The following GFRA1 variants were observed in gnomAD, a reference collection of about 807,000 sequenced individuals.
The protein encoded by GFRA1 is GDNF family receptor alpha 1.
A neutral mutation model predicts 51.6 loss-of-function variants in GFRA1; 16 were observed. The observed-to-expected ratio is 0.31, with a 90% confidence interval of 0.21 to 0.47. The LOEUF (loss-of-function observed/expected upper bound fraction) is 0.47, where lower values mean the gene tolerates loss of function less well. Among genes scored for constraint, GFRA1 ranks in the 20% least tolerant of loss-of-function variants. The pLI, the probability that GFRA1 is intolerant of heterozygous loss-of-function variation, is 1.00. For synonymous variants in GFRA1, 270 were observed against 241.3 expected (o/e 1.12, Z -1.10); for missense variants, 530 against 594.3 (o/e 0.89, Z 1.13).
intron 5 of GFRA1, among the ~76,000 whole-genome samples, chr10:116,133,380 G>T (rs540968448): frequency 5.3e-5 from 8 of 152,202 alleles, no homozygotes; most frequent in Middle Eastern, 3.4e-3. Flanking sequence ...GCCATGGGAG[G>T]TATAACATTC....
chr10:116,219,235 T>A lies in GFRA1; in HGVS notation c.419-7590A>T, dbSNP rs897747302. 3.3e-5 allele frequency among the ~76,000 whole-genome samples: 5 copies of A among 152,044 alleles called. No individual in the cohort carries two copies. The South Asian group carries it at 1.0e-3, about 32-fold the overall frequency. ...AAAGCTCTTAACTACTGAAAGAACATAAAAAAATAGATTTAGGAATAATAC... is the reference window on the plus strand; with the variant it reads ...AAAGCTCTTAACTACTGAAAGAACAAAAAAAAATAGATTTAGGAATAATAC... On this transcript the variant is annotated intron_variant, in intron 4 of 10. Coordinates refer to ENST00000355422, the MANE Select transcript of GFRA1 (RefSeq NM_005264.8).
intron 5 of GFRA1, among the ~76,000 whole-genome samples, chr10:116,134,878 A>T (rs1185748371): frequency 6.6e-6 from 1 of 152,220 alleles, no homozygotes; most frequent in African/African-American, 2.4e-5. Context: ...AACCTTAAAA[A>T]ATTGGATATC....
At chr10:116,200,638 G>A (rs10430632) in intron 5 of GFRA1, among the ~76,000 whole-genome samples, 41,972 of 152,080 alleles carry the variant, frequency 0.28, 6,375 homozygotes, top group South Asian at 0.45. Flanking sequence ...TCTTGGTGAG[G>A]ACTCTCTTCC....
chr10:116,144,302 C>CTCAT (rs891063811), intron 5 of GFRA1, among the ~76,000 whole-genome samples: 2 of 103,740 alleles, frequency 1.9e-5, no homozygotes, highest in East Asian at 2.9e-4. Flanking sequence ...CATTAACTCA[C>CTCAT]TCATTCATTC....
intron 5 of GFRA1, among the ~76,000 whole-genome samples, chr10:116,197,466 A>G (rs976948622): frequency 6.6e-6 from 1 of 152,178 alleles, no homozygotes; most frequent in African/African-American, 2.4e-5. Context: ...TTTGGAATGT[A>G]TGTGTGTATA....
At chr10:116,165,683 A>ACACACACT (rs1960318800) in intron 5 of GFRA1, among the ~76,000 whole-genome samples, 1 of 151,798 alleles carries the variant, frequency 6.6e-6, no homozygotes, top group African/African-American at 2.4e-5. Context: ...ACACACACAC[A>ACACACACT]CACACTCACA....
intron 4 of GFRA1, among the ~76,000 whole-genome samples, chr10:116,226,203 GTTTGCTGC>G (rs1565663678): frequency 6.6e-6 from 1 of 152,166 alleles, no homozygotes; most frequent in Non-Finnish European, 1.5e-5. Flanking sequence ...ACAGTCCCTT[GTTTGCTGC>G]CCTCTGCCAA....
intron 9 of GFRA1, among the ~76,000 whole-genome samples, chr10:116,082,011 A>C (rs1793995431): frequency 6.6e-6 from 1 of 152,234 alleles, no homozygotes; most frequent in Non-Finnish European, 1.5e-5. Flanking sequence ...AGTGGAGTGC[A>C]GATATGGCAA....
intron 5 of GFRA1, among the ~76,000 whole-genome samples, chr10:116,147,398 T>TGGTG (rs973394681): frequency 3.1e-4 from 47 of 152,104 alleles, no homozygotes; most frequent in Non-Finnish European, 8.8e-5. Context: ...TGGTTGGAGC[T>TGGTG]GGTGGTTCAC....
At chr10:116,188,754 AGCCGGG>A (rs1962970012) in intron 5 of GFRA1, among the ~76,000 whole-genome samples, 1 of 151,916 alleles carries the variant, frequency 6.6e-6, no homozygotes, top group Admixed American at 6.6e-5. Context: ...AAAAAAAGTT[AGCCGGG>A]CGTGGTGGTG....
intron 5 of GFRA1, among the ~76,000 whole-genome samples, chr10:116,160,616 T>C (rs995553202): frequency 4.6e-5 from 7 of 152,232 alleles, no homozygotes; most frequent in South Asian, 2.1e-4. Flanking sequence ...CCCAGTGTTA[T>C]ACAACATGAC....
intron 5 of GFRA1, among the ~76,000 whole-genome samples, chr10:116,162,715 G>C (rs1959953350): frequency 6.6e-6 from 1 of 152,160 alleles, no homozygotes; most frequent in Non-Finnish European, 1.5e-5. Context: ...ACTTTGTGTT[G>C]TGATGGTTGC....
intron 5 of GFRA1, among the ~76,000 whole-genome samples, chr10:116,187,293 C>G (rs1489976291): frequency 6.6e-6 from 1 of 152,176 alleles, no homozygotes; most frequent in Non-Finnish European, 1.5e-5. Flanking sequence ...GGTCATGAGG[C>G]TGGAGCCCTA....
chr10:116,182,504 G>C (rs1962333208), intron 5 of GFRA1, among the ~76,000 whole-genome samples: 1 of 152,164 alleles, frequency 6.6e-6, no homozygotes. Flanking sequence ...GAGAGCCCTT[G>C]ATACTGTGGC....
chr10:116,215,448 TCTC>T (rs1187656657), intron 4 of GFRA1, among the ~76,000 whole-genome samples: 2 of 152,208 alleles, frequency 1.3e-5, no homozygotes, highest in Non-Finnish European at 2.9e-5. Context: ...AGTGTAATAT[TCTC>T]CTTTCAATCT....
At chr10:116,229,623 G>T (rs1228073895) in intron 4 of GFRA1, among the ~76,000 whole-genome samples, 1 of 152,216 alleles carries the variant, frequency 6.6e-6, no homozygotes, top group African/African-American at 2.4e-5. Flanking sequence ...ATGAAGAACA[G>T]GTATTTGGAG....
intron 4 of GFRA1, among the ~76,000 whole-genome samples, chr10:116,223,939 T>C (rs1225901050): frequency 3.3e-5 from 5 of 152,142 alleles, no homozygotes; most frequent in Non-Finnish European, 7.3e-5. Flanking sequence ...GTCCTTTATA[T>C]ATATATATTT....
chr10:116,229,238 C>G (rs1966531817), intron 4 of GFRA1, among the ~76,000 whole-genome samples: 1 of 152,020 alleles, frequency 6.6e-6, no homozygotes, highest in Non-Finnish European at 1.5e-5. Flanking sequence ...TATACACAAC[C>G]AAACAGTGGG....
At chr10:116,229,381 G>A (rs772711463) in intron 4 of GFRA1, among the ~76,000 whole-genome samples, 7 of 152,110 alleles carry the variant, frequency 4.6e-5, no homozygotes, top group Non-Finnish European at 8.8e-5. Flanking sequence ...AGATGAGACT[G>A]CAAGTACAAA....
Sources: gnomAD v4.1 joint callset for allele counts (sites outside exome capture counted in the v4.1 genomes callset) on GRCh38, gnomAD v4.1.1 for gene constraint, MANE v1.5 for transcripts, NCBI Gene and HGNC (gene_info 2026-07-23, HGNC 2026-07-21) for gene names.